The following THOC5 variants were observed in gnomAD, a reference collection of about 807,000 sequenced individuals.
The protein encoded by THOC5 is Fms-interacting protein.
A neutral mutation model predicts 92.9 loss-of-function variants in THOC5; 43 were observed. The observed-to-expected ratio is 0.46, with a 90% CI of 0.36 to 0.60. The LOEUF (loss-of-function observed/expected upper bound fraction) is 0.60, where lower values mean the gene tolerates loss of function less well. THOC5 is among the 20% of genes least tolerant of loss of function. The pLI is 0.00. For missense variants in THOC5, 659 were observed against 849.4 expected (o/e 0.78, Z 2.79); for synonymous variants, 296 against 320.1 (o/e 0.92, Z 0.80).
chr22:29,519,115 T>C lies in THOC5; in HGVS notation c.1380A>G (p.Thr460=). 4.4e-6 allele frequency: 7 copies of C among 1,606,712 alleles called. No homozygotes were observed. Among genetic ancestry groups the C allele is most frequent in the Non-Finnish European group, 6.0e-6 (7 of 1,175,814 alleles). Residue 460 remains threonine, a synonymous_variant, in exon 15 of 20, where the codon ACA becomes ACG. Transcript: ENST00000490103. Reference sequence around the variant, plus strand: ...CGCTCAGCGAGTGGTCAGCAATCACTGTTTGCTGTGAGTGACAATGAGACA... The same window carrying C: ...CGCTCAGCGAGTGGTCAGCAATCACCGTTTGCTGTGAGTGACAATGAGACA... ...LHFPKEQPQQ[T]VIADHSLSAS...
At chr22:29,551,344 G>C (rs947684203) in intron 1 of THOC5, among the ~76,000 whole-genome samples, 2 of 152,130 alleles carry the variant, frequency 1.3e-5, no homozygotes, top group African/African-American at 2.4e-5. Flanking sequence ...TGAGGTAGGA[G>C]AATCACTTGA....
chr22:29,511,316 G>A lies in THOC5; in HGVS notation c.1798-20C>T. On this transcript the variant is annotated intron_variant, in intron 18 of 19. Transcript: ENST00000490103. Reference sequence around the variant, plus strand: ...CATGGCCTGTGTGATAGGAAAGCCAGCATCTCAGCACTACCTTCCTGCATG... The same window carrying A: ...CATGGCCTGTGTGATAGGAAAGCCAACATCTCAGCACTACCTTCCTGCATG... The A allele has an allele frequency of 6.2e-7, 1 of 1,602,206 alleles. No homozygotes were observed. The highest frequency in any genetic ancestry group is 8.5e-7 in the Non-Finnish European group (1 of 1,175,936).
At chr22:29,544,894 G>A (rs1166064413) in intron 2 of THOC5, among the ~76,000 whole-genome samples, 3 of 152,140 alleles carry the variant, frequency 2.0e-5, no homozygotes, top group African/African-American at 7.2e-5. Flanking sequence ...CTCTCAGTCC[G>A]AAACTGAGTG....
intron 7 of THOC5, among the ~76,000 whole-genome samples, chr22:29,533,393 G>A (rs1394330669): frequency 6.6e-6 from 1 of 152,206 alleles, no homozygotes; most frequent in Non-Finnish European, 1.5e-5. Flanking sequence ...CTACAGAGCA[G>A]TGGAAAGAGA....
At chr22:29,552,469 C>T (rs1483546273) in intron 1 of THOC5, among the ~76,000 whole-genome samples, 9 of 150,722 alleles carry the variant, frequency 6.0e-5, no homozygotes, top group African/African-American at 2.0e-4. Context: ...CGTCTCTGCC[C>T]GGCTGCCCCG....
intron 8 of THOC5, among the ~76,000 whole-genome samples, chr22:29,529,907 C>T (rs1366173215): frequency 4.6e-5 from 7 of 152,114 alleles, no homozygotes; most frequent in Admixed American, 3.9e-4. Context: ...TTTGGGAGGC[C>T]GAGGCAGGTG....
Position 29,539,417 on chromosome 22 carries a change from G to C in THOC5, c.512C>G (p.Pro171Arg). ...SLEEFYKEAP[P>R]DISKAEVTMG... ...GGTGACTTCGGCCTTGCTGATATCT[G>C]GTGGAGCCTCCTTATAAAACTCCTC... Residue 171 changes from proline (P) to arginine (R), a missense_variant, in exon 6 of 20, where the codon CCA becomes CGA. Coordinates refer to ENST00000490103, the MANE Select transcript of THOC5 (RefSeq NM_003678.5). The C allele has an allele frequency of 6.2e-7, 1 of 1,614,056 alleles. No homozygotes were observed. Among genetic ancestry groups the C allele is most frequent in the South Asian group, 1.1e-5 (1 of 91,078 alleles).
rs1050752269 is a variant in THOC5, at chr22:29,539,089, GAC to G, written c.599+239_599+240del. 5.8e-5 allele frequency among the ~76,000 whole-genome samples: 7 copies of G among 120,454 alleles called. No individual in the cohort carries two copies. In the Admixed American group the frequency reaches 6.8e-4, roughly 12 times the overall value. 79.0% of individuals were successfully genotyped at this position (120,454 alleles called of 152,430 possible). ...CACACCACCGCACTCCAGCCTGGGA[GAC>G]AGAGTGAGACTCCATCTCAAAAAAA... On this transcript the variant is annotated intron_variant, in intron 6 of 19. Coordinates refer to ENST00000490103, the MANE Select transcript of THOC5 (RefSeq NM_003678.5).
At chr22:29,539,109 C>CAA (rs373724250) in intron 6 of THOC5, among the ~76,000 whole-genome samples, 55 of 36,412 alleles carry the variant, frequency 1.5e-3, no homozygotes, top group Non-Finnish European at 2.0e-3. Flanking sequence ...GACTCCATCT[C>CAA]AAAAAAAAAA....
chr22:29,552,548 G>T, intron 1 of THOC5, among the ~76,000 whole-genome samples: 1 of 139,040 alleles, frequency 7.2e-6, no homozygotes, highest in South Asian at 2.2e-4. Context: ...GCCCCCGCCC[G>T]GCCAGCCGCC....
intron 1 of THOC5, among the ~76,000 whole-genome samples, chr22:29,551,707 C>T (rs1259234595): frequency 3.3e-5 from 5 of 151,936 alleles, no homozygotes; most frequent in African/African-American, 9.7e-5. Flanking sequence ...GCTATGATCG[C>T]GCCACTGCAC....
In THOC5 at chr22:29,507,367, T is replaced by C. The variant is rs960090927; in HGVS notation, c.*1090A>G. 6.6e-6 allele frequency: 1 copy of C among 152,180 alleles called. No homozygotes were observed. The highest frequency in any genetic ancestry group is 2.4e-5 in the African/African-American group (1 of 41,450). The allele number at this position is 152,180 out of a possible 1,614,324, so 9.4% of individuals were successfully genotyped here. A position where few individuals can be genotyped will look rare whatever the true frequency, so the allele number is the denominator to read the frequency against. On this transcript the variant is annotated 3_prime_UTR_variant, in exon 20 of 20. Transcript: ENST00000490103. Reference sequence around the variant, plus strand: ...TATATTTTCTTCCTTATGGCTTTCTTATTTATTTATTTTTGAGACGGAGTC... The same window carrying C: ...TATATTTTCTTCCTTATGGCTTTCTCATTTATTTATTTTTGAGACGGAGTC...
chr22:29,530,753 C>G (rs1016324459), intron 8 of THOC5, among the ~76,000 whole-genome samples: 1 of 152,078 alleles, frequency 6.6e-6, no homozygotes, highest in Non-Finnish European at 1.5e-5. Flanking sequence ...TCTTGAGACC[C>G]CCTCTGAGGG....
chr22:29,517,504 C>G (rs1287113376), intron 15 of THOC5, 138 bp from the exon 16 acceptor site: 2 of 692,966 alleles, frequency 2.9e-6, no homozygotes, highest in East Asian at 5.4e-5. Flanking sequence ...TCAGGAAGTA[C>G]CCAGGTCAAC....
At chr22:29,538,495 G>A (rs79544764) in intron 6 of THOC5, among the ~76,000 whole-genome samples, 3,312 of 151,898 alleles carry the variant, frequency 0.022, 132 homozygotes, top group African/African-American at 0.075. Flanking sequence ...TAAGGTCTTC[G>A]GCATTAAAAT....
intron 11 of THOC5, among the ~76,000 whole-genome samples, chr22:29,526,979 T>C (rs545476562): frequency 6.6e-6 from 1 of 152,306 alleles, no homozygotes; most frequent in South Asian, 2.1e-4. Flanking sequence ...AATTCTGTCA[T>C]TTTGTTAACA....
intron 11 of THOC5, 72 bp from the exon 12 acceptor site, chr22:29,526,018 T>C: frequency 4.3e-6 from 2 of 463,770 alleles, no homozygotes; most frequent in East Asian, 6.7e-5. Context: ...TCATAGGGGG[T>C]AGTAAGGTGG....
chr22:29,516,959 A>G, intron 17 of THOC5, 70 bp downstream of exon 17: 1 of 1,481,944 alleles, frequency 6.7e-7, no homozygotes, highest in Non-Finnish European at 9.4e-7. Flanking sequence ...TGCTTTGGGC[A>G]GCCCCGGAGA....
In THOC5 at chr22:29,518,940, GC is replaced by G. The variant is rs1367950765; in HGVS notation, c.1489+65del. The G allele has an allele frequency of 2.9e-6, 3 of 1,041,378 alleles. No homozygotes were observed. The East Asian group carries it at 7.7e-5, about 27-fold the overall frequency. The allele number at this position is 1,041,378 out of a possible 1,614,324, so 64.5% of individuals were successfully genotyped here. ...TCAGGATTCAAGTTTTGAGTGAAAG[GC>G]TAAGTTGTTGTTGTCCGTGTGTTGT... On this transcript the variant is annotated intron_variant, in intron 15 of 19. Coordinates refer to ENST00000490103, the MANE Select transcript of THOC5 (RefSeq NM_003678.5).
Sources: allele counts gnomAD v4.1 joint callset (sites outside exome capture counted in the v4.1 genomes callset), GRCh38; gene constraint gnomAD v4.1.1; transcripts MANE v1.5; gene names NCBI Gene and HGNC (gene_info 2026-07-23, HGNC 2026-07-21).